The following SLC38A4 variants were observed in gnomAD, a reference collection of about 807,000 sequenced individuals.
The protein encoded by SLC38A4 is solute carrier family 38 member 4, also known as sodium-coupled neutral amino acid transporter 4.
Under a neutral mutation model 63.1 loss-of-function variants are expected in SLC38A4, and 20 were observed. The ratio of observed to expected loss-of-function variants is 0.32; its 90% CI spans 0.22 to 0.46. The LOEUF is 0.46. Among genes scored for constraint, SLC38A4 ranks in the 20% least tolerant of loss-of-function variants. The pLI is 1.00. For missense variants in SLC38A4, 526 were observed against 663.6 expected (o/e 0.79, Z 2.28); for synonymous variants, 230 against 225.5 (o/e 1.02, Z -0.18).
At position 46,768,676 on chromosome 12, in the gene SLC38A4, A is replaced by C. The variant is rs1938347750; in HGVS notation, c.1445-269T>G. On this transcript the variant is annotated intron_variant, in intron 15 of 16. Transcript: ENST00000266579. Reference sequence around the variant, plus strand: ...AAGGCTGAATTTAACACAAATTTACAGGGGATTAGTAATATAAATACATAC... The same window carrying C: ...AAGGCTGAATTTAACACAAATTTACCGGGGATTAGTAATATAAATACATAC... Among the ~76,000 whole-genome samples the C allele has an allele frequency of 3.3e-5, 5 of 152,240 alleles. No homozygotes were observed. The South Asian group carries it at 1.0e-3, about 32-fold the overall frequency.
In SLC38A4 at chr12:46,786,709, A is replaced by G. The variant is rs558526671; in HGVS notation, c.326+1207T>C. Among the ~76,000 whole-genome samples, 15 of 152,270 alleles carry G rather than the reference A, an allele frequency of 9.9e-5. No individual in the cohort carries two copies. In the South Asian group the frequency reaches 3.1e-3, roughly 32 times the overall value. ...TTCAAAACATGGCTTATATAAAAGT[A>G]AAGTTGATATAAAAACCCATTCAGC... On this transcript the variant is annotated intron_variant, in intron 5 of 16. Transcript: ENST00000266579.
chr12:46,806,464 C>G (rs189665075), intron 1 of SLC38A4, among the ~76,000 whole-genome samples: 89 of 151,676 alleles, frequency 5.9e-4, no homozygotes, highest in Admixed American at 1.4e-3. Context: ...TACAAGGAGG[C>G]CAGTAGGAAG....
At chr12:46,810,840 C>A (rs1939325382) in intron 1 of SLC38A4, among the ~76,000 whole-genome samples, 1 of 152,038 alleles carries the variant, frequency 6.6e-6, no homozygotes, top group Admixed American at 6.6e-5. Context: ...CTAGCTAAAT[C>A]TCTAGTTTGG....
intron 1 of SLC38A4, among the ~76,000 whole-genome samples, chr12:46,819,838 T>A (rs1342493107): frequency 6.6e-6 from 1 of 151,940 alleles, no homozygotes; most frequent in African/African-American, 2.4e-5. Flanking sequence ...CCCTCGAAAG[T>A]TTGAAAGAAG....
intron 1 of SLC38A4, among the ~76,000 whole-genome samples, chr12:46,811,027 A>G (rs1939330708): frequency 1.3e-5 from 2 of 152,084 alleles, no homozygotes; most frequent in African/African-American, 4.8e-5. Flanking sequence ...ATCTCAAAAT[A>G]TTGTTGAGAA....
chr12:46,772,264 G>A (rs537586091), intron 14 of SLC38A4, among the ~76,000 whole-genome samples: 1 of 152,148 alleles, frequency 6.6e-6, no homozygotes, highest in African/African-American at 2.4e-5. Context: ...AATATACGCT[G>A]CATTTCTATG....
chr12:46,820,801 A>G (rs952747920), intron 1 of SLC38A4, among the ~76,000 whole-genome samples: 43 of 152,182 alleles, frequency 2.8e-4, no homozygotes, highest in African/African-American at 8.7e-4. Flanking sequence ...CCAACAGTGT[A>G]CAAGTGTTCC....
chr12:46,788,096 C>T, intron 4 of SLC38A4, 65 bp from the exon 5 acceptor site: 2 of 1,185,928 alleles, frequency 1.7e-6, no homozygotes, highest in Non-Finnish European at 1.2e-6. Flanking sequence ...AGGGGTTATC[C>T]TTATTCTCAC....
chr12:46,802,452 A>G (rs1027471625), intron 2 of SLC38A4, among the ~76,000 whole-genome samples: 1 of 152,000 alleles, frequency 6.6e-6, no homozygotes, highest in African/African-American at 2.4e-5. Context: ...TCACATAACT[A>G]AAAAACAGCT....
chr12:46,782,674 TATGG>T (rs1427534080), intron 7 of SLC38A4, among the ~76,000 whole-genome samples: 1 of 151,496 alleles, frequency 6.6e-6, no homozygotes, highest in African/African-American at 2.4e-5. Context: ...GAGACATGGA[TATGG>T]AAGCAGAGAA....
intron 5 of SLC38A4, among the ~76,000 whole-genome samples, chr12:46,786,304 A>G (rs1938760587): frequency 6.6e-6 from 1 of 152,112 alleles, no homozygotes; most frequent in Non-Finnish European, 1.5e-5. Flanking sequence ...ATACTGTGTC[A>G]CTTGCTATAA....
chr12:46,830,389 G>C (rs917936608), upstream of SLC38A4, among the ~76,000 whole-genome samples: 2 of 151,656 alleles, frequency 1.3e-5, no homozygotes, highest in African/African-American at 4.9e-5. Flanking sequence ...TAGGAGACTT[G>C]CTTGTAGTGG....
chr12:46,780,490 A>C (rs571683875), intron 7 of SLC38A4, among the ~76,000 whole-genome samples: 128 of 152,048 alleles, frequency 8.4e-4, no homozygotes, highest in Non-Finnish European at 1.6e-3. Flanking sequence ...GTCCTCCGGG[A>C]CCTATCTGAG....
intron 14 of SLC38A4, among the ~76,000 whole-genome samples, chr12:46,769,921 G>A (rs1938381499): frequency 6.6e-6 from 1 of 152,044 alleles, no homozygotes; most frequent in African/African-American, 2.4e-5. Context: ...GCCTAAAGAT[G>A]CATTTCTCAG....
At chr12:46,800,773 C>A (rs1211425777) in intron 2 of SLC38A4, among the ~76,000 whole-genome samples, 1 of 152,068 alleles carries the variant, frequency 6.6e-6, no homozygotes, top group Non-Finnish European at 1.5e-5. Flanking sequence ...TAGCATCTAG[C>A]ACAGTGCCTA....
chr12:46,796,340 G>T (rs1360583989), intron 2 of SLC38A4, among the ~76,000 whole-genome samples: 1 of 151,894 alleles, frequency 6.6e-6, no homozygotes, highest in Non-Finnish European at 1.5e-5. Flanking sequence ...AGTTCCTTTT[G>T]TTCCCTAAAT....
chr12:46,785,047 G>C (rs1938729485), intron 6 of SLC38A4, 57 bp downstream of exon 6: 1 of 1,347,988 alleles, frequency 7.4e-7, no homozygotes, highest in South Asian at 1.2e-5. Context: ...GCAACAGACT[G>C]AAATACTCTT....
At chr12:46,830,839 C>A (rs1939722008), upstream of SLC38A4, among the ~76,000 whole-genome samples, 2 of 152,208 alleles carry the variant, frequency 1.3e-5, no homozygotes, top group African/African-American at 4.8e-5. Flanking sequence ...GGTAGAGATG[C>A]AGCTTTTACT....
chr12:46,807,900 C>A (rs76560240), intron 1 of SLC38A4, among the ~76,000 whole-genome samples: 9 of 133,612 alleles, frequency 6.7e-5, no homozygotes, highest in African/African-American at 2.5e-4. Context: ...CCCCCCCCCC[C>A]AAAGCCACAT....
Sources: gnomAD v4.1 joint callset for allele counts (sites outside exome capture counted in the v4.1 genomes callset) on GRCh38, gnomAD v4.1.1 for gene constraint, MANE v1.5 for transcripts, NCBI Gene and HGNC (gene_info 2026-07-23, HGNC 2026-07-21) for gene names.